Variants in SIPA1L1 observed in about 807,000 individuals in gnomAD.
SIPA1L1 encodes signal induced proliferation associated 1 like 1.
In SIPA1L1, 26 loss-of-function variants were observed where a neutral mutation model predicts 162.7. The observed-to-expected ratio is 0.16, with a 90% confidence interval of 0.12 to 0.22. The LOEUF (loss-of-function observed/expected upper bound fraction) is 0.22. Ranked by LOEUF, SIPA1L1 falls within the 10% of genes least tolerant of loss-of-function variation. The pLI is 1.00. For synonymous variants in SIPA1L1, 829 were observed against 837.4 expected, an observed-to-expected ratio of 0.99 and a Z score of 0.17; for missense variants, 1,874 against 2,241.0, an observed-to-expected ratio of 0.84 and a Z score of 3.31.
chr14:71,720,509 G>T (rs1330238951), intron 17 of SIPA1L1, among the ~76,000 whole-genome samples: 7 of 152,070 alleles, frequency 4.6e-5, no homozygotes, highest in Non-Finnish European at 1.0e-4. Flanking sequence ...AGCAGAGGTT[G>T]CAGTGAGCCA....
At chr14:71,521,350 G>T (rs1430056324) in intron 3 of SIPA1L1, among the ~76,000 whole-genome samples, 3 of 152,190 alleles carry the variant, frequency 2.0e-5, no homozygotes, top group Non-Finnish European at 1.5e-5. Flanking sequence ...GGACAGTTGT[G>T]CAGAAGTCTG....
At chr14:71,552,426 C>T (rs2055931587) in intron 4 of SIPA1L1, among the ~76,000 whole-genome samples, 1 of 150,090 alleles carries the variant, frequency 6.7e-6, no homozygotes. Flanking sequence ...GAGTCCCGCT[C>T]TTTAGCCCAG....
At chr14:71,564,423 T>G (rs929319058) in intron 4 of SIPA1L1, among the ~76,000 whole-genome samples, 1 of 150,886 alleles carries the variant, frequency 6.6e-6, no homozygotes, top group African/African-American at 2.4e-5. Flanking sequence ...GGTACTCCAT[T>G]TAGAAAAATG....
intron 4 of SIPA1L1, among the ~76,000 whole-genome samples, chr14:71,569,259 G>A (rs1481091913): frequency 1.3e-5 from 2 of 152,164 alleles, no homozygotes; most frequent in Admixed American, 6.5e-5. Context: ...ATTTAGTGAC[G>A]TGAAAAGAGT....
intron 2 of SIPA1L1, among the ~76,000 whole-genome samples, chr14:71,453,619 A>G (rs2045972802): frequency 6.6e-6 from 1 of 152,262 alleles, no homozygotes; most frequent in South Asian, 2.1e-4. Context: ...ATACTGGAGT[A>G]TAGTTCTTAG....
At chr14:71,533,101 C>G (rs28463431) in intron 4 of SIPA1L1, among the ~76,000 whole-genome samples, 4,859 of 152,154 alleles carry the variant, frequency 0.032, 271 homozygotes, top group African/African-American at 0.11. Context: ...AATGTTGGGT[C>G]GTAGACTTAT....
At chr14:71,419,432 G>C (rs1157527170) in intron 2 of SIPA1L1, among the ~76,000 whole-genome samples, 1 of 149,916 alleles carries the variant, frequency 6.7e-6, no homozygotes. Context: ...CAGGGGTGAT[G>C]GCCCACACCT....
intron 4 of SIPA1L1, among the ~76,000 whole-genome samples, chr14:71,547,740 G>A (rs1257658174): frequency 2.6e-5 from 4 of 152,192 alleles, no homozygotes; most frequent in East Asian, 1.9e-4. Context: ...ACTGTACCCA[G>A]AGCAGACCCT....
chr14:71,474,978 G>A (rs2047735442), intron 2 of SIPA1L1, among the ~76,000 whole-genome samples: 1 of 152,150 alleles, frequency 6.6e-6, no homozygotes, highest in South Asian at 2.1e-4. Context: ...TCTTTTGAAT[G>A]TAGAATGTCT....
intron 13 of SIPA1L1, among the ~76,000 whole-genome samples, chr14:71,690,756 GTGC>G (rs2081195702): frequency 6.6e-6 from 1 of 152,134 alleles, no homozygotes; most frequent in Non-Finnish European, 1.5e-5. Flanking sequence ...ATCCCACACT[GTGC>G]AATTCTTCTA....
chr14:71,402,831 A>T (rs556752200), intron 2 of SIPA1L1, among the ~76,000 whole-genome samples: 1 of 152,314 alleles, frequency 6.6e-6, no homozygotes, highest in South Asian at 2.1e-4. Context: ...GATATTTGGT[A>T]TTTAAAATTA....
At chr14:71,539,064 C>T (rs1323680686) in intron 4 of SIPA1L1, among the ~76,000 whole-genome samples, 2 of 152,132 alleles carry the variant, frequency 1.3e-5, no homozygotes, top group Non-Finnish European at 2.9e-5. Flanking sequence ...TGATTTCCTT[C>T]GTTTTTTCCT....
At chr14:71,320,889 C>T (rs970825225) in intron 1 of SIPA1L1, among the ~76,000 whole-genome samples, 6 of 151,948 alleles carry the variant, frequency 3.9e-5, no homozygotes, top group Non-Finnish European at 8.8e-5. Flanking sequence ...GACGGGGCCA[C>T]CTCCGCCTTC....
intron 4 of SIPA1L1, among the ~76,000 whole-genome samples, chr14:71,535,004 A>G (rs765167514): frequency 5.3e-5 from 8 of 152,248 alleles, no homozygotes; most frequent in Non-Finnish European, 7.3e-5. Context: ...TACAAAAATA[A>G]TACATACTGG....
At chr14:71,732,685 A>G (rs574658877) in intron 20 of SIPA1L1, among the ~76,000 whole-genome samples, 1 of 152,356 alleles carries the variant, frequency 6.6e-6, no homozygotes, top group Admixed American at 6.5e-5. Context: ...AAATTGGTCC[A>G]AAGAATAGCT....
At chr14:71,380,979 ATATT>A (rs1386909421) in intron 2 of SIPA1L1, among the ~76,000 whole-genome samples, 1 of 152,240 alleles carries the variant, frequency 6.6e-6, no homozygotes, top group Non-Finnish European at 1.5e-5. Flanking sequence ...GAAAAAAGGA[ATATT>A]AATAATTGAC....
At chr14:71,592,331 CTG>C (rs2035509899) in intron 5 of SIPA1L1, among the ~76,000 whole-genome samples, 1 of 152,166 alleles carries the variant, frequency 6.6e-6, no homozygotes, top group Non-Finnish European at 1.5e-5. Flanking sequence ...AAAGTATAAA[CTG>C]TACATTTTAA....
chr14:71,499,889 A>G (rs1016225235), intron 2 of SIPA1L1, among the ~76,000 whole-genome samples: 2 of 152,226 alleles, frequency 1.3e-5, no homozygotes, highest in Admixed American at 6.5e-5. Flanking sequence ...GGTCATTGAT[A>G]TGTGTCCCAC....
intron 7 of SIPA1L1, among the ~76,000 whole-genome samples, chr14:71,647,388 CT>C (rs113789866): frequency 0.011 from 1,572 of 145,468 alleles, 15 homozygotes; most frequent in African/African-American, 0.029. Flanking sequence ...CTGCAGGAAA[CT>C]TTTTTTTTTT....
Sources: gnomAD v4.1 joint callset for allele counts (sites outside exome capture counted in the v4.1 genomes callset) on GRCh38, gnomAD v4.1.1 for gene constraint, MANE v1.5 for transcripts, NCBI Gene and HGNC (gene_info 2026-07-23, HGNC 2026-07-21) for gene names.